Variants in DNAJC1 observed in about 807,000 individuals in gnomAD.
The protein encoded by DNAJC1 is DnaJ heat shock protein family (Hsp40) member C1, also known as dnaJ homolog subfamily C member 1.
DNAJC1 carries 58 observed loss-of-function variants against 76.6 expected under a neutral mutation model. The ratio of observed to expected loss-of-function variants is 0.76; its 90% CI spans 0.61 to 0.94. The LOEUF (loss-of-function observed/expected upper bound fraction) is 0.94. Ranked by LOEUF, DNAJC1 falls within the 40% of genes least tolerant of loss-of-function variation. The pLI is 0.00. For missense variants in DNAJC1, 689 were observed against 677.3 expected, an observed-to-expected ratio of 1.02 and a Z score of -0.19; for synonymous variants, 258 against 267.9, an observed-to-expected ratio of 0.96 and a Z score of 0.36.
chr10:21,839,103 G>A (rs371280169), intron 8 of DNAJC1, among the ~76,000 whole-genome samples: 3 of 152,224 alleles, frequency 2.0e-5, no homozygotes, highest in Non-Finnish European at 4.4e-5. Flanking sequence ...TCAAAGCAGT[G>A]TGTAGAGGGA....
At position 21,805,979 on chromosome 10, in the gene DNAJC1, C is replaced by T; in HGVS notation, c.1098+1G>A. 1 of 1,611,468 alleles carries T rather than the reference C, an allele frequency of 6.2e-7. No homozygotes were observed. The highest frequency in any genetic ancestry group is 2.3e-4 in the Middle Eastern group (1 of 4,434). ...TACAATGCAAATCTCAGTGAACTCA[C>T]ATCTGTCACAGATCGACCCAATTCG... On this transcript the variant is annotated splice_donor_variant, in intron 9 of 11. Coordinates refer to ENST00000376980, the MANE Select transcript of DNAJC1 (RefSeq NM_022365.4). LOFTEE classifies it high-confidence loss of function.
chr10:21,997,633 C>T (rs1235075239), intron 1 of DNAJC1, among the ~76,000 whole-genome samples: 2 of 152,104 alleles, frequency 1.3e-5, no homozygotes, highest in Non-Finnish European at 2.9e-5. Flanking sequence ...GAAGTTCCTC[C>T]CAACCATGGG....
chr10:21,831,276 G>T (rs967007508), intron 8 of DNAJC1, among the ~76,000 whole-genome samples: 1 of 152,146 alleles, frequency 6.6e-6, no homozygotes, highest in African/African-American at 2.4e-5. Context: ...AGCCCTTTGA[G>T]AGCAGGCTAG....
intron 6 of DNAJC1, among the ~76,000 whole-genome samples, chr10:21,909,167 C>T (rs1836812439): frequency 6.6e-6 from 1 of 152,154 alleles, no homozygotes; most frequent in Admixed American, 6.5e-5. Context: ...GGATTACAGG[C>T]GTAAGCCACC....
At chr10:21,836,555 C>T (rs192626429) in intron 8 of DNAJC1, among the ~76,000 whole-genome samples, 60 of 152,208 alleles carry the variant, frequency 3.9e-4, no homozygotes, top group Admixed American at 9.2e-4. Flanking sequence ...GAGTCAAGAC[C>T]CATCAGTGTG....
At chr10:21,904,844 G>A (rs1449437059) in intron 6 of DNAJC1, among the ~76,000 whole-genome samples, 1 of 152,004 alleles carries the variant, frequency 6.6e-6, no homozygotes, top group Admixed American at 6.6e-5. Flanking sequence ...TTTTCTCTCA[G>A]ATATGGAAAG....
intron 8 of DNAJC1, among the ~76,000 whole-genome samples, chr10:21,838,613 G>A (rs1835512761): frequency 6.6e-6 from 1 of 151,716 alleles, no homozygotes; most frequent in South Asian, 2.1e-4. Flanking sequence ...ACCCAAGAAT[G>A]ATCAATAAAT....
chr10:21,964,617 T>C (rs1837858044), intron 1 of DNAJC1, among the ~76,000 whole-genome samples: 1 of 152,116 alleles, frequency 6.6e-6, no homozygotes, highest in African/African-American at 2.4e-5. Context: ...TATTCACTAT[T>C]CAACGTTACA....
intron 8 of DNAJC1, among the ~76,000 whole-genome samples, chr10:21,879,198 T>C (rs753359680): frequency 3.9e-5 from 6 of 152,214 alleles, no homozygotes; most frequent in Non-Finnish European, 8.8e-5. Flanking sequence ...TCACCTGTGA[T>C]AGTTCACTGA....
intron 1 of DNAJC1, among the ~76,000 whole-genome samples, chr10:21,965,412 G>A (rs1378098357): frequency 6.6e-6 from 1 of 152,076 alleles, no homozygotes; most frequent in Non-Finnish European, 1.5e-5. Context: ...AACTCACATT[G>A]ATGCAATACT....
chr10:21,916,222 A>T (rs1836952567), intron 6 of DNAJC1, among the ~76,000 whole-genome samples: 1 of 152,196 alleles, frequency 6.6e-6, no homozygotes, highest in African/African-American at 2.4e-5. Flanking sequence ...GGCCAGGTGC[A>T]GTGGCTCACG....
chr10:21,914,613 A>G (rs1180398002), intron 6 of DNAJC1, among the ~76,000 whole-genome samples: 1 of 152,180 alleles, frequency 6.6e-6, no homozygotes, highest in Non-Finnish European at 1.5e-5. Context: ...AAATTCCTAA[A>G]TAGATATACT....
At chr10:21,861,687 C>G (rs1463140598) in intron 8 of DNAJC1, among the ~76,000 whole-genome samples, 1 of 152,056 alleles carries the variant, frequency 6.6e-6, no homozygotes. Context: ...CACGAGTGAC[C>G]TCTGGTGGTC....
chr10:21,905,668 T>C (rs1011600686), intron 6 of DNAJC1, among the ~76,000 whole-genome samples: 5 of 152,266 alleles, frequency 3.3e-5, no homozygotes, highest in Admixed American at 6.5e-5. Context: ...AGATGAGAAA[T>C]TGAGAAAGGG....
intron 9 of DNAJC1, among the ~76,000 whole-genome samples, chr10:21,771,073 A>C (rs11012785): frequency 0.068 from 10,338 of 152,204 alleles, 1,156 homozygotes; most frequent in African/African-American, 0.23. Flanking sequence ...TATGAATGTC[A>C]TTAATTTCAT....
chr10:21,958,791 C>A (rs1023676221), intron 1 of DNAJC1, among the ~76,000 whole-genome samples: 1 of 151,776 alleles, frequency 6.6e-6, no homozygotes, highest in Non-Finnish European at 1.5e-5. Flanking sequence ...TATATTTAAA[C>A]GTCAGATTTG....
chr10:21,899,734 G>T (rs1836614645), intron 7 of DNAJC1, among the ~76,000 whole-genome samples: 1 of 152,210 alleles, frequency 6.6e-6, no homozygotes, highest in South Asian at 2.1e-4. Context: ...ACTTGAACAA[G>T]CAGTCCGGCT....
intron 1 of DNAJC1, among the ~76,000 whole-genome samples, chr10:21,958,285 T>A (rs530683789): frequency 1.3e-5 from 2 of 152,324 alleles, no homozygotes; most frequent in Admixed American, 6.5e-5. Context: ...TATTTAAGTA[T>A]AATTTACAAA....
intron 6 of DNAJC1, among the ~76,000 whole-genome samples, chr10:21,915,340 A>C (rs1411485982): frequency 3.3e-5 from 5 of 152,208 alleles, no homozygotes; most frequent in African/African-American, 9.6e-5. Context: ...TGTGAAGCGT[A>C]GCAAAGGAAT....
Sources: gnomAD v4.1 joint callset for allele counts (sites outside exome capture counted in the v4.1 genomes callset) on GRCh38, gnomAD v4.1.1 for gene constraint, MANE v1.5 for transcripts, NCBI Gene and HGNC (gene_info 2026-07-23, HGNC 2026-07-21) for gene names.